Variants in NDFIP2 observed in about 807,000 individuals in gnomAD.
The protein encoded by NDFIP2 is NEDD4 family-interacting protein 2.
Under a neutral mutation model 36.0 loss-of-function variants are expected in NDFIP2, and 19 were observed. The observed-to-expected ratio is 0.53, with a 90% confidence interval of 0.37 to 0.77. The LOEUF is 0.77. NDFIP2 is among the 30% of genes least tolerant of loss of function. The probability of loss-of-function intolerance (pLI) is 0.00; values close to 1 mark genes in which losing one functional copy is unlikely to be tolerated. For missense variants in NDFIP2, 446 were observed against 435.8 expected, an observed-to-expected ratio of 1.02 and a Z score of -0.21; for synonymous variants, 181 against 167.7, an observed-to-expected ratio of 1.08 and a Z score of -0.61.
At chr13:79,510,038 G>T (rs1754266690) in intron 1 of NDFIP2, among the ~76,000 whole-genome samples, 1 of 152,136 alleles carries the variant, frequency 6.6e-6, no homozygotes, top group African/African-American at 2.4e-5. Flanking sequence ...TCAATACTTT[G>T]CATACTTCAA....
At chr13:79,491,559 G>C (rs940420025) in intron 1 of NDFIP2, among the ~76,000 whole-genome samples, 1 of 152,018 alleles carries the variant, frequency 6.6e-6, no homozygotes, top group African/African-American at 2.4e-5. Context: ...TTTTTATATT[G>C]ATTACTTGGC....
At chr13:79,513,342 CT>C (rs1566659487) in intron 1 of NDFIP2, among the ~76,000 whole-genome samples, 5 of 152,152 alleles carry the variant, frequency 3.3e-5, no homozygotes, top group African/African-American at 1.2e-4. Flanking sequence ...AGTTCCATGC[CT>C]TAATGAAATC....
intron 3 of NDFIP2, 36 bp downstream of exon 3, chr13:79,533,492 T>A: frequency 1.9e-6 from 3 of 1,544,506 alleles, no homozygotes; most frequent in Non-Finnish European, 2.6e-6. Context: ...GATAAAATTA[T>A]TTTCGTTAAT....
chr13:79,491,930 G>C (rs1158836257), intron 1 of NDFIP2, among the ~76,000 whole-genome samples: 1 of 152,176 alleles, frequency 6.6e-6, no homozygotes, highest in Non-Finnish European at 1.5e-5. Flanking sequence ...TGCTGCAGTA[G>C]TCTAAGATTT....
chr13:79,537,868 A>G (rs1454925231), intron 3 of NDFIP2, among the ~76,000 whole-genome samples: 1 of 152,242 alleles, frequency 6.6e-6, no homozygotes, highest in Non-Finnish European at 1.5e-5. Flanking sequence ...TCACACTGCT[A>G]TAAAGAAATA....
chr13:79,506,326 G>C (rs981898577), intron 1 of NDFIP2, among the ~76,000 whole-genome samples: 2 of 152,068 alleles, frequency 1.3e-5, no homozygotes, highest in East Asian at 1.9e-4. Context: ...GACACACACA[G>C]ACACAACTCT....
intron 1 of NDFIP2, among the ~76,000 whole-genome samples, chr13:79,513,078 G>A (rs1874139919): frequency 6.6e-6 from 1 of 152,140 alleles, no homozygotes; most frequent in South Asian, 2.1e-4. Flanking sequence ...ATCATTTTAG[G>A]TTACCTTATC....
At position 79,554,152 on chromosome 13, in the gene NDFIP2, A is replaced by C. The variant is rs1354945619; in HGVS notation, c.*1639A>C. 2 of 151,482 alleles carry C rather than the reference A, an allele frequency of 1.3e-5. No individual in the cohort carries two copies. Among genetic ancestry groups the C allele is most frequent in the Non-Finnish European group, 3.0e-5 (2 of 67,586 alleles). The allele number at this position is 151,482 out of a possible 1,614,324, so 9.4% of individuals were successfully genotyped here. A position where few individuals can be genotyped will look rare whatever the true frequency, so the allele number is the denominator to read the frequency against. ...TCCTGCGTAGAATTTTTATTGTTAT[A>C]TTAAAATTTTTATTGTTGTATTAAA... On this transcript the variant is annotated 3_prime_UTR_variant, in exon 8 of 8. Coordinates refer to ENST00000218652, the MANE Select transcript of NDFIP2 (RefSeq NM_019080.3).
intron 1 of NDFIP2, among the ~76,000 whole-genome samples, chr13:79,501,790 G>A (rs1171073068): frequency 1.3e-5 from 2 of 152,078 alleles, no homozygotes; most frequent in African/African-American, 4.8e-5. Flanking sequence ...TTTTGCTTGA[G>A]TATTCTGTTG....
chr13:79,512,704 C>T (rs981886252), intron 1 of NDFIP2, among the ~76,000 whole-genome samples: 1 of 152,124 alleles, frequency 6.6e-6, no homozygotes, highest in Non-Finnish European at 1.5e-5. Flanking sequence ...ACATCCCAGT[C>T]TTCTTGGTTC....
At chr13:79,526,597 T>C (rs1429996773) in intron 2 of NDFIP2, among the ~76,000 whole-genome samples, 1 of 152,104 alleles carries the variant, frequency 6.6e-6, no homozygotes, top group Non-Finnish European at 1.5e-5. Context: ...CCAAGGACTT[T>C]CAGGAGAATG....
intron 1 of NDFIP2, among the ~76,000 whole-genome samples, chr13:79,492,846 C>CTCT (rs1873287393): frequency 6.6e-6 from 1 of 152,222 alleles, no homozygotes; most frequent in Non-Finnish European, 1.5e-5. Flanking sequence ...ATCATGCTAT[C>CTCT]TCTTGCTTTG....
chr13:79,482,687 G>A (rs2079822354), intron 1 of NDFIP2, among the ~76,000 whole-genome samples: 1 of 152,166 alleles, frequency 6.6e-6, no homozygotes, highest in Non-Finnish European at 1.5e-5. Flanking sequence ...TGAAGGAACT[G>A]TAAGATGAGA....
At chr13:79,499,311 A>T (rs1002033065) in intron 1 of NDFIP2, among the ~76,000 whole-genome samples, 2 of 152,008 alleles carry the variant, frequency 1.3e-5, no homozygotes, top group Non-Finnish European at 2.9e-5. Flanking sequence ...TTTCCTGATT[A>T]GAACAAGAAC....
intron 1 of NDFIP2, among the ~76,000 whole-genome samples, chr13:79,481,791 C>T (rs1566651049): frequency 6.6e-6 from 1 of 152,164 alleles, no homozygotes; most frequent in Non-Finnish European, 1.5e-5. Flanking sequence ...CGCCCTCCCT[C>T]CACACACCTT....
Position 79,481,451 on chromosome 13 carries a change from C to G in NDFIP2, c.248C>G (p.Ser83Cys), listed in dbSNP as rs2079812301. The change falls in exon 1 of 8, where the codon TCC becomes TGC. Residue 83 changes from serine (S) to cysteine (C), a missense_variant. By Grantham distance (112) the Ser-to-Cys change is moderately radical. This residue lies in a region of NDFIP2 where 369 missense variants were observed against 304.8 expected (regional missense o/e 1.21). Transcript: ENST00000218652. Reference protein sequence around the residue: ...VAVGAEHGEDSLSRKPDPEPG... With the variant: ...VAVGAEHGEDCLSRKPDPEPG... ...GTGGGAGCTGAGCACGGAGAAGACT[C>G]CCTCTCTCGGAAGCCGGATCCCGAG... 2 of 1,562,714 alleles carry G rather than the reference C, an allele frequency of 1.3e-6. No individual in the cohort carries two copies. Among genetic ancestry groups the G allele is most frequent in the African/African-American group, 1.4e-5 (1 of 73,922 alleles).
chr13:79,520,846 A>T lies in NDFIP2; in HGVS notation c.358A>T (p.Ile120Leu). Residue 120 changes from isoleucine (I) to leucine (L), a missense_variant, in exon 2 of 8, where the codon ATA becomes TTA. Physicochemically the swap from Ile to Leu is conservative, Grantham distance 5. Coordinates refer to ENST00000218652, the MANE Select transcript of NDFIP2 (RefSeq NM_019080.3). ...AGAGGATAACTCAGAATCATCGGCT[A>T]TAGAGCAGCCACCTACTTCAAACCC... ...NEEDNSESSA[I>L]EQPPTSNPAP... 6.2e-7 allele frequency: 1 copy of T among 1,613,956 alleles called. No homozygotes were observed. The highest frequency in any genetic ancestry group is 8.5e-7 in the Non-Finnish European group (1 of 1,179,890).
chr13:79,548,346 G>T lies in NDFIP2; in HGVS notation c.859G>T (p.Gly287Ter). The T allele has an allele frequency of 6.3e-7, 1 of 1,588,656 alleles. No homozygotes were observed. The highest frequency in any genetic ancestry group is 8.6e-7 in the Non-Finnish European group (1 of 1,164,590). ...LIVRFSDYFTGYFNGQYWLWW... is the reference protein window; with the variant it reads ...LIVRFSDYFT Reference sequence around the variant, plus strand: ...TCCATAGTTTTCTGATTATTTTACTGGATATTTCAATGGACAGTATTGGCT... The same window carrying T: ...TCCATAGTTTTCTGATTATTTTACTTGATATTTCAATGGACAGTATTGGCT... The change falls in exon 6 of 8, where the codon GGA becomes TGA. Residue 287 changes from glycine to a stop codon, truncating the protein, a stop_gained. Coordinates refer to ENST00000218652, the MANE Select transcript of NDFIP2 (RefSeq NM_019080.3). LOFTEE classifies it high-confidence loss of function.
intron 1 of NDFIP2, among the ~76,000 whole-genome samples, chr13:79,486,343 A>G (rs1471153549): frequency 1.3e-5 from 2 of 152,196 alleles, no homozygotes; most frequent in African/African-American, 2.4e-5. Flanking sequence ...AGAATTGTAC[A>G]GTTAACCTCC....
Sources: gnomAD v4.1 joint callset for allele counts (sites outside exome capture counted in the v4.1 genomes callset) on GRCh38, gnomAD v4.1.1 for gene constraint, gnomAD v4.1.1 regional missense constraint, MANE v1.5 for transcripts, NCBI Gene and HGNC (gene_info 2026-07-23, HGNC 2026-07-21) for gene names.